CNTN4: variants seen among roughly 807,000 people sequenced by gnomAD.
CNTN4 encodes contactin-4.
A neutral mutation model predicts 122.5 loss-of-function variants in CNTN4; 77 were observed. The ratio of observed to expected loss-of-function variants is 0.63; its 90% confidence interval spans 0.52 to 0.76. The LOEUF (loss-of-function observed/expected upper bound fraction) is 0.76, where lower values mean the gene tolerates loss of function less well. Ranked by LOEUF, CNTN4 falls within the 30% of genes least tolerant of loss-of-function variation. CNTN4 has a pLI of 0.00. For synonymous variants in CNTN4, 512 were observed against 447.0 expected (o/e 1.15, Z -1.83); for missense variants, 1,256 against 1,259.1 (o/e 1.00, Z 0.04).
chr3:2,203,941 T>G, intron 2 of CNTN4, among the ~76,000 whole-genome samples: 1 of 152,160 alleles, frequency 6.6e-6, no homozygotes, highest in East Asian at 1.9e-4. Context: ...GCATATTTCT[T>G]CCCTTTTCTT....
chr3:2,405,715 C>A (rs1301697630), intron 3 of CNTN4, among the ~76,000 whole-genome samples: 1 of 152,002 alleles, frequency 6.6e-6, no homozygotes, highest in Non-Finnish European at 1.5e-5. Context: ...AGAAATTGAA[C>A]ACCATCATCA....
chr3:2,750,177 G>C (rs2090021217), intron 6 of CNTN4, among the ~76,000 whole-genome samples: 1 of 152,124 alleles, frequency 6.6e-6, no homozygotes, highest in East Asian at 1.9e-4. Context: ...GCAGTCTTCA[G>C]CTCCCAGTTT....
chr3:2,198,194 C>G (rs902301595), intron 2 of CNTN4, among the ~76,000 whole-genome samples: 1 of 152,162 alleles, frequency 6.6e-6, no homozygotes, highest in Non-Finnish European at 1.5e-5. Context: ...TAGTTGTCTT[C>G]TTGCTAATGC....
intron 3 of CNTN4, among the ~76,000 whole-genome samples, chr3:2,520,558 G>A (rs1397901737): frequency 6.6e-6 from 1 of 151,984 alleles, no homozygotes; most frequent in East Asian, 1.9e-4. Context: ...ACAGGCATGA[G>A]TCACCACATC....
At chr3:2,618,383 A>G (rs2081860580) in intron 4 of CNTN4, among the ~76,000 whole-genome samples, 1 of 152,160 alleles carries the variant, frequency 6.6e-6, no homozygotes, top group South Asian at 2.1e-4. Flanking sequence ...ATACATGTTT[A>G]CGTATACACA....
intron 3 of CNTN4, among the ~76,000 whole-genome samples, chr3:2,383,809 T>TGTC (rs1215226990): frequency 1.3e-5 from 2 of 149,210 alleles, no homozygotes; most frequent in African/African-American, 2.5e-5. Flanking sequence ...CTTCTCCCTC[T>TGTC]GTCTCCCTCT....
At chr3:2,501,912 A>T (rs984264988) in intron 3 of CNTN4, among the ~76,000 whole-genome samples, 7 of 152,160 alleles carry the variant, frequency 4.6e-5, no homozygotes, top group East Asian at 1.9e-4. Flanking sequence ...TTGCTTTCTG[A>T]TGGTTCAGTG....
At chr3:2,171,505 A>G (rs2036510422) in intron 2 of CNTN4, among the ~76,000 whole-genome samples, 1 of 152,210 alleles carries the variant, frequency 6.6e-6, no homozygotes, top group Non-Finnish European at 1.5e-5. Flanking sequence ...ATATTCTGAA[A>G]TATTTGAATG....
At chr3:2,457,083 G>A (rs968430962) in intron 3 of CNTN4, among the ~76,000 whole-genome samples, 13 of 152,206 alleles carry the variant, frequency 8.5e-5, no homozygotes, top group African/African-American at 2.9e-4. Flanking sequence ...TCCTGAGTCT[G>A]TACTCTATAC....
At chr3:2,381,700 G>T (rs1227995773) in intron 3 of CNTN4, among the ~76,000 whole-genome samples, 1 of 151,986 alleles carries the variant, frequency 6.6e-6, no homozygotes, top group Non-Finnish European at 1.5e-5. Flanking sequence ...TGTATAAAAA[G>T]TCTCCATTCT....
At chr3:2,102,967 A>G (rs1280736536) in intron 2 of CNTN4, among the ~76,000 whole-genome samples, 1 of 151,976 alleles carries the variant, frequency 6.6e-6, no homozygotes, top group Non-Finnish European at 1.5e-5. Context: ...ACAATAAATA[A>G]TAATAGAAGC....
intron 2 of CNTN4, among the ~76,000 whole-genome samples, chr3:2,266,631 T>C (rs748473631): frequency 1.3e-5 from 2 of 152,060 alleles, no homozygotes; most frequent in African/African-American, 4.8e-5. Context: ...ATCAAATTAA[T>C]TAAAAGTCAC....
chr3:2,408,029 G>T (rs1373952426), intron 3 of CNTN4, among the ~76,000 whole-genome samples: 1 of 152,180 alleles, frequency 6.6e-6, no homozygotes, highest in Non-Finnish European at 1.5e-5. Context: ...GTCATTCTGT[G>T]TGTCAAACGT....
chr3:2,308,892 A>G (rs539259212), intron 2 of CNTN4, among the ~76,000 whole-genome samples: 114 of 152,160 alleles, frequency 7.5e-4, no homozygotes, highest in African/African-American at 2.6e-3. Flanking sequence ...TTTACAGTCT[A>G]AGTTGAAAAA....
At chr3:2,416,322 C>A (rs1392059542) in intron 3 of CNTN4, among the ~76,000 whole-genome samples, 1 of 152,010 alleles carries the variant, frequency 6.6e-6, no homozygotes, top group Non-Finnish European at 1.5e-5. Flanking sequence ...AATTTTGTGA[C>A]CTTCAAAATT....
intron 8 of CNTN4, among the ~76,000 whole-genome samples, chr3:2,868,893 C>A (rs1399780300): frequency 6.6e-6 from 1 of 152,006 alleles, no homozygotes; most frequent in Non-Finnish European, 1.5e-5. Context: ...GAAAGCCTTT[C>A]TAAGGAGGGG....
intron 2 of CNTN4, among the ~76,000 whole-genome samples, chr3:2,290,749 GTA>G (rs1647926406): frequency 6.6e-6 from 1 of 152,186 alleles, no homozygotes; most frequent in Non-Finnish European, 1.5e-5. Flanking sequence ...AGATCATTGA[GTA>G]TATACTGCTG....
At chr3:2,402,877 T>TCTCAG (rs2046906896) in intron 3 of CNTN4, among the ~76,000 whole-genome samples, 4 of 152,166 alleles carry the variant, frequency 2.6e-5, no homozygotes, top group South Asian at 2.1e-4. Context: ...ATTGCTGTGA[T>TCTCAG]TGCAATAGTT....
chr3:2,673,533 C>G (rs1374491479), intron 4 of CNTN4, among the ~76,000 whole-genome samples: 4 of 151,910 alleles, frequency 2.6e-5, no homozygotes, highest in Non-Finnish European at 5.9e-5. Context: ...TTCTGAGGCT[C>G]AGTTTTTTGT....
Sources: allele counts gnomAD v4.1 joint callset (sites outside exome capture counted in the v4.1 genomes callset), GRCh38; gene constraint gnomAD v4.1.1; transcripts MANE v1.5; gene names NCBI Gene and HGNC (gene_info 2026-07-23, HGNC 2026-07-21).